The following TRMT11 variants were observed in gnomAD, a reference collection of about 807,000 sequenced individuals.
TRMT11 encodes tRNA methyltransferase 11, also known as tRNA (guanine(10)-N(2))-methyltransferase TRMT11.
TRMT11 carries 53 observed loss-of-function variants against 62.8 expected under a neutral mutation model. The observed-to-expected ratio is 0.84, with a 90% CI of 0.68 to 1.06. The LOEUF (loss-of-function observed/expected upper bound fraction) is 1.06. TRMT11 is among the 50% of genes least tolerant of loss of function. The pLI is 0.00. For missense variants in TRMT11, 556 were observed against 553.4 expected, an observed-to-expected ratio of 1.00 and a Z score of -0.05; for synonymous variants, 188 against 190.3, an observed-to-expected ratio of 0.99 and a Z score of 0.10.
intron 17 of TRMT11, among the ~76,000 whole-genome samples, chr6:126,086,389 T>A (rs899868065): frequency 1.3e-5 from 2 of 152,194 alleles, no homozygotes; most frequent in African/African-American, 4.8e-5. Context: ...ATAACATTCT[T>A]GATTGCCCTT....
At chr6:126,088,483 C>T (rs1459785315) in intron 17 of TRMT11, among the ~76,000 whole-genome samples, 1 of 152,144 alleles carries the variant, frequency 6.6e-6, no homozygotes, top group East Asian at 1.9e-4. Flanking sequence ...AACATGCAGA[C>T]GGAGTTGAAA....
chr6:126,218,885 G>T, the TRMT11 span, among the ~76,000 whole-genome samples: 2 of 152,306 alleles, frequency 1.3e-5, no homozygotes, highest in East Asian at 1.9e-4. Flanking sequence ...AGTTCTGACT[G>T]CTGGGATGGG....
At chr6:126,052,962 A>G (rs532907978) in intron 16 of TRMT11, among the ~76,000 whole-genome samples, 2 of 152,178 alleles carry the variant, frequency 1.3e-5, no homozygotes, top group Non-Finnish European at 2.9e-5. Context: ...GTGATGAATC[A>G]GCTTTCTGGG....
chr6:125,989,190 G>T (rs1790197677), intron 1 of TRMT11, among the ~76,000 whole-genome samples: 1 of 148,276 alleles, frequency 6.7e-6, no homozygotes, highest in Admixed American at 6.8e-5. Context: ...GTGCAGTGGC[G>T]CGGTCTCGGC....
chr6:126,170,170 C>T (rs1015046544), intron 21 of TRMT11, among the ~76,000 whole-genome samples: 1 of 152,030 alleles, frequency 6.6e-6, no homozygotes, highest in East Asian at 1.9e-4. Flanking sequence ...TTTTTTCCCT[C>T]TCTGTGCCCT....
chr6:126,024,100 G>A (rs565021044), intron 12 of TRMT11, among the ~76,000 whole-genome samples: 5 of 152,306 alleles, frequency 3.3e-5, no homozygotes, highest in South Asian at 2.1e-4. Flanking sequence ...TCTTGATTCT[G>A]TATGAATATA....
At chr6:126,008,246 C>T in intron 7 of TRMT11, 146 bp from the exon 8 acceptor site, 1 of 730,846 alleles carries the variant, frequency 1.4e-6, no homozygotes, top group Non-Finnish European at 2.4e-6. Flanking sequence ...TTTTTTCAGT[C>T]CTGAGGCTTA....
upstream of TRMT11, among the ~76,000 whole-genome samples, chr6:126,176,492 G>A (rs2128238886): frequency 6.6e-6 from 1 of 152,192 alleles, no homozygotes; most frequent in South Asian, 2.1e-4. Context: ...TCTAGAAAAA[G>A]GACCTCAGTT....
At chr6:126,072,333 A>G (rs1396491457) in intron 17 of TRMT11, among the ~76,000 whole-genome samples, 1 of 152,194 alleles carries the variant, frequency 6.6e-6, no homozygotes, top group Non-Finnish European at 1.5e-5. Flanking sequence ...AAGCCCCAAC[A>G]TTGAGCACAG....
chr6:126,233,686 T>G, the TRMT11 span, among the ~76,000 whole-genome samples: 16 of 152,230 alleles, frequency 1.1e-4, no homozygotes, highest in African/African-American at 3.1e-4. Context: ...CTTTTAGAGG[T>G]CTACAAAAAG....
At chr6:126,271,812 T>G in the TRMT11 span, among the ~76,000 whole-genome samples, 1 of 152,128 alleles carries the variant, frequency 6.6e-6, no homozygotes, top group Non-Finnish European at 1.5e-5. Flanking sequence ...AAGGTCGATA[T>G]CAGAGTGTTC....
intron 21 of TRMT11, among the ~76,000 whole-genome samples, chr6:126,155,202 C>T (rs1331975967): frequency 6.6e-6 from 1 of 152,170 alleles, no homozygotes; most frequent in Non-Finnish European, 1.5e-5. Flanking sequence ...GGGGAGCAGG[C>T]ATTTTATATG....
chr6:126,253,983 C>A, the TRMT11 span, among the ~76,000 whole-genome samples: 1 of 152,214 alleles, frequency 6.6e-6, no homozygotes, highest in African/African-American at 2.4e-5. Flanking sequence ...CCACATATTT[C>A]TCAGGTCAAA....
At chr6:126,149,867 T>A (rs1240841979) in intron 21 of TRMT11, among the ~76,000 whole-genome samples, 1 of 152,218 alleles carries the variant, frequency 6.6e-6, no homozygotes, top group Admixed American at 6.5e-5. Context: ...TCTCTTGACC[T>A]TTTCTGAAAA....
intron 1 of TRMT11, among the ~76,000 whole-genome samples, chr6:126,189,804 CTGTTTA>C (rs921627325): frequency 9.2e-5 from 14 of 152,154 alleles, no homozygotes; most frequent in African/African-American, 3.4e-4. Context: ...TCCCAAGTTT[CTGTTTA>C]TATCTCAAAA....
At chr6:126,225,972 G>A in the TRMT11 span, among the ~76,000 whole-genome samples, 2 of 122 alleles carry the variant, frequency 0.016, no homozygotes, top group African/African-American at 0.023. Context: ...GATTACAGGC[G>A]TGAGTACCGC....
intron 17 of TRMT11, among the ~76,000 whole-genome samples, chr6:126,108,257 T>C (rs1368265327): frequency 1.3e-5 from 2 of 152,230 alleles, no homozygotes; most frequent in Non-Finnish European, 2.9e-5. Flanking sequence ...TTATTTTGAA[T>C]TTGGGGCATT....
chr6:125,988,832 GGAGT>G lies in TRMT11; in HGVS notation c.72+2211_72+2214del, dbSNP rs1301017975. Among the ~76,000 whole-genome samples the G allele has an allele frequency of 1.3e-3, 200 of 152,284 alleles. 1 individual carries two copies. Among genetic ancestry groups the G allele is most frequent in the African/African-American group, 4.6e-3 (193 of 41,536 alleles). Reference sequence around the variant, plus strand: ...AGTTGTGTTTAACTCATTGGCCTTAGGAGTCATGAAGGAAGATTGTGGCATTGAT... The same window carrying G: ...AGTTGTGTTTAACTCATTGGCCTTAGCATGAAGGAAGATTGTGGCATTGAT... On this transcript the variant is annotated intron_variant, in intron 1 of 12. Coordinates refer to ENST00000334379, the MANE Select transcript of TRMT11 (RefSeq NM_001031712.3).
the TRMT11 span, among the ~76,000 whole-genome samples, chr6:126,262,705 T>C: frequency 1.3e-5 from 2 of 152,142 alleles, no homozygotes; most frequent in Non-Finnish European, 2.9e-5. Context: ...TTGCTGGCAT[T>C]TGTGGCAGCA....
Sources: gnomAD v4.1 joint callset for allele counts (sites outside exome capture counted in the v4.1 genomes callset) on GRCh38, gnomAD v4.1.1 for gene constraint, MANE v1.5 for transcripts, NCBI Gene and HGNC (gene_info 2026-07-23, HGNC 2026-07-21) for gene names.